CPQ: variants seen among roughly 807,000 people sequenced by gnomAD.
CPQ encodes the protein Ser-Met dipeptidase.
Under a neutral mutation model 45.7 loss-of-function variants are expected in CPQ, and 37 were observed. The ratio of observed to expected loss-of-function variants is 0.81; its 90% CI spans 0.62 to 1.07. The LOEUF (loss-of-function observed/expected upper bound fraction) is 1.07, where lower values mean the gene tolerates loss of function less well. Ranked by LOEUF, CPQ falls within the 50% of genes least tolerant of loss-of-function variation. The probability of loss-of-function intolerance (pLI) is 0.00; values close to 1 mark genes in which losing one functional copy is unlikely to be tolerated. For missense variants in CPQ, 537 were observed against 572.9 expected (o/e 0.94, Z 0.64); for synonymous variants, 186 against 205.8 (o/e 0.90, Z 0.82).
At chr8:97,113,110 T>G (rs540136183) in intron 7 of CPQ, among the ~76,000 whole-genome samples, 13 of 152,028 alleles carry the variant, frequency 8.6e-5, no homozygotes, top group Non-Finnish European at 1.8e-4. Context: ...TGGAGAAGAC[T>G]GCGGGGCCAT....
Position 97,143,371 on chromosome 8 carries a change from C to G in CPQ, c.*188C>G. The stretch of plus-strand genomic sequence containing the variant: ...TGATTCTAGAAAAAGGAATCATTCT[C>G]CCCTCCCTCCCACCACATAGAATCA... On this transcript the variant is annotated 3_prime_UTR_variant, in exon 8 of 8. Transcript: ENST00000220763. 3.5e-6 allele frequency: 2 copies of G among 563,592 alleles called. No individual in the cohort carries two copies. Among genetic ancestry groups the G allele is most frequent in the South Asian group, 4.6e-5 (2 of 43,718 alleles). 34.9% of individuals were successfully genotyped at this position (563,592 alleles called of 1,614,324 possible). A position where few individuals can be genotyped will look rare whatever the true frequency, so the allele number is the denominator to read the frequency against.
At chr8:96,820,852 T>C (rs1297771025) in intron 2 of CPQ, among the ~76,000 whole-genome samples, 3 of 152,056 alleles carry the variant, frequency 2.0e-5, no homozygotes, top group Non-Finnish European at 2.9e-5. Context: ...CTGGATCATA[T>C]GGTGGTTCTA....
At chr8:97,048,501 C>T (rs958475558) in intron 6 of CPQ, among the ~76,000 whole-genome samples, 2 of 152,194 alleles carry the variant, frequency 1.3e-5, no homozygotes, top group Non-Finnish European at 2.9e-5. Flanking sequence ...GACTCTAATT[C>T]ATTCTTTCCT....
chr8:96,898,394 C>A (rs530216888), intron 4 of CPQ, among the ~76,000 whole-genome samples: 7 of 152,056 alleles, frequency 4.6e-5, no homozygotes, highest in Non-Finnish European at 1.0e-4. Context: ...ATTCTTTTCT[C>A]CCCCTAAAGA....
chr8:96,766,137 A>G (rs1810464819), intron 1 of CPQ, among the ~76,000 whole-genome samples: 2 of 152,132 alleles, frequency 1.3e-5, no homozygotes, highest in South Asian at 4.1e-4. Flanking sequence ...AAGAAATAAC[A>G]TTTACTGGTT....
At chr8:96,906,634 G>T (rs917324240) in intron 4 of CPQ, among the ~76,000 whole-genome samples, 5 of 152,160 alleles carry the variant, frequency 3.3e-5, no homozygotes, top group African/African-American at 1.2e-4. Flanking sequence ...CAAGGAGCTA[G>T]CTGACTCAGT....
rs950077298 is a variant in CPQ at position 96,656,622 on chromosome 8, A to C, written c.-35+11220A>C. 3.9e-5 allele frequency among the ~76,000 whole-genome samples: 6 copies of C among 152,164 alleles called. No homozygotes were observed. The East Asian group carries it at 1.2e-3, about 29-fold the overall frequency. On this transcript the variant is annotated intron_variant, in intron 1 of 7. Transcript: ENST00000220763. ...TTGGATTTCTGCGTCAGGCAATTCC[A>C]ACCCCTATGATCCACAGAAATGCCC... is the stretch of plus-strand genomic sequence containing the variant.
chr8:96,660,423 C>T (rs187572730), intron 1 of CPQ, among the ~76,000 whole-genome samples: 18 of 152,308 alleles, frequency 1.2e-4, no homozygotes, highest in African/African-American at 4.3e-4. Context: ...CAAATAGTCA[C>T]AGTCCAAAGC....
rs139214438 is a variant in CPQ, at chr8:96,780,517, A to G, written c.-34-4347A>G. Among the ~76,000 whole-genome samples the G allele has an allele frequency of 2.0e-3, 298 of 152,312 alleles. 7 individuals carry two copies. The East Asian group carries it at 0.039, about 20-fold the overall frequency. On this transcript the variant is annotated intron_variant, in intron 1 of 7. Coordinates refer to ENST00000220763, the MANE Select transcript of CPQ (RefSeq NM_016134.4). ...TGCAATTTAAATTTTTCTAATAGCC[A>G]TAGTACAGAGTAAAAAGAGACAGGT... is the stretch of plus-strand genomic sequence containing the variant.
chr8:96,726,752 C>T (rs1307828782), intron 1 of CPQ, among the ~76,000 whole-genome samples: 4 of 152,072 alleles, frequency 2.6e-5, no homozygotes, highest in Non-Finnish European at 5.9e-5. Context: ...AGATCCAAAC[C>T]ACATCATCAT....
intron 6 of CPQ, among the ~76,000 whole-genome samples, chr8:97,038,825 CAAAAAAAAAAAAA>C (rs35739621): frequency 7.6e-5 from 7 of 91,874 alleles, no homozygotes; most frequent in Non-Finnish European, 2.1e-5. Flanking sequence ...ACCGTATTTA[CAAAAAAAAAAAAA>C]AAAAAAAAAA....
intron 7 of CPQ, among the ~76,000 whole-genome samples, chr8:97,106,879 G>T (rs1002763379): frequency 3.7e-4 from 56 of 152,190 alleles, no homozygotes; most frequent in Admixed American, 1.3e-4. Context: ...AGAAGCCAGT[G>T]AAAAAGCGTA....
intron 5 of CPQ, among the ~76,000 whole-genome samples, chr8:96,992,658 G>A (rs142300061): frequency 3.9e-5 from 6 of 152,212 alleles, no homozygotes; most frequent in African/African-American, 1.4e-4. Flanking sequence ...TGTATGTGAA[G>A]TTAATGAGCA....
intron 3 of CPQ, among the ~76,000 whole-genome samples, chr8:96,837,508 T>A (rs1811545730): frequency 6.6e-6 from 1 of 152,180 alleles, no homozygotes; most frequent in Non-Finnish European, 1.5e-5. Flanking sequence ...TCTCTCTTTC[T>A]TGCTTGCTGT....
intron 1 of CPQ, among the ~76,000 whole-genome samples, chr8:96,742,906 A>T (rs1810115751): frequency 6.6e-6 from 1 of 151,552 alleles, no homozygotes; most frequent in African/African-American, 2.4e-5. Context: ...GCTGCCCTTA[A>T]CATTTTTTCC....
chr8:96,931,510 G>T (rs1303692476), intron 4 of CPQ, among the ~76,000 whole-genome samples: 1 of 152,152 alleles, frequency 6.6e-6, no homozygotes, highest in Non-Finnish European at 1.5e-5. Context: ...TCCTGGGCCT[G>T]ATACACTCCT....
At chr8:96,692,572 A>C (rs1413380912) in intron 1 of CPQ, among the ~76,000 whole-genome samples, 1 of 152,222 alleles carries the variant, frequency 6.6e-6, no homozygotes, top group African/African-American at 2.4e-5. Flanking sequence ...ATCTTATCCA[A>C]GACCATGAAG....
chr8:97,069,851 G>T (rs1183297764), intron 7 of CPQ, among the ~76,000 whole-genome samples: 1 of 151,906 alleles, frequency 6.6e-6, no homozygotes, highest in Non-Finnish European at 1.5e-5. Context: ...AATATTCCAT[G>T]TATACTATTT....
At position 96,740,843 on chromosome 8, in the gene CPQ, G is replaced by T. The variant is rs926830670; in HGVS notation, c.-34-44021G>T. ...TGATCATGGTGGATAAGCTTTTTGAGGTGCTGCTGGATTCGGTTTGCTAGT... is the reference window on the plus strand; with the variant it reads ...TGATCATGGTGGATAAGCTTTTTGATGTGCTGCTGGATTCGGTTTGCTAGT... On this transcript the variant is annotated intron_variant, in intron 1 of 7. Coordinates refer to ENST00000220763, the MANE Select transcript of CPQ (RefSeq NM_016134.4). Among the ~76,000 whole-genome samples the T allele has an allele frequency of 4.8e-3, 727 of 152,014 alleles. 11 individuals are homozygous for T. The highest frequency in any genetic ancestry group is 0.012 in the African/African-American group (511 of 41,416).
Sources: gnomAD v4.1 joint callset for allele counts (sites outside exome capture counted in the v4.1 genomes callset) on GRCh38, gnomAD v4.1.1 for gene constraint, MANE v1.5 for transcripts, NCBI Gene and HGNC (gene_info 2026-07-23, HGNC 2026-07-21) for gene names.